NTRK3: variants seen among roughly 807,000 people sequenced by gnomAD.
NTRK3 encodes the protein NT-3 growth factor receptor.
In NTRK3, 24 loss-of-function variants were observed where a neutral mutation model predicts 91.7. That is an observed-to-expected ratio of 0.26 (90% CI 0.19 to 0.37). The LOEUF (loss-of-function observed/expected upper bound fraction) is 0.37. NTRK3 is among the 10% of genes least tolerant of loss of function. NTRK3 has a pLI of 1.00. For synonymous variants in NTRK3, 483 were observed against 404.0 expected (o/e 1.20, Z -2.34); for missense variants, 880 against 1,068.9 (o/e 0.82, Z 2.46).
chr15:88,117,049 T>C (rs2052173744), intron 13 of NTRK3, among the ~76,000 whole-genome samples: 3 of 152,178 alleles, frequency 2.0e-5, no homozygotes, highest in Admixed American at 6.5e-5. Flanking sequence ...TAGCTGCACA[T>C]AGAAATCACC....
At chr15:88,166,488 T>A (rs946449106) in intron 5 of NTRK3, among the ~76,000 whole-genome samples, 4 of 152,256 alleles carry the variant, frequency 2.6e-5, no homozygotes, top group Non-Finnish European at 5.9e-5. Flanking sequence ...TGGGCGCTTC[T>A]CTCTGGGGAG....
At chr15:88,132,826 C>T (rs115254597) in intron 10 of NTRK3, among the ~76,000 whole-genome samples, 3 of 152,284 alleles carry the variant, frequency 2.0e-5, no homozygotes, top group African/African-American at 7.2e-5. Flanking sequence ...TTAACCTAGA[C>T]TCACAAAACA....
chr15:88,238,208 A>G (rs1053949709), intron 3 of NTRK3, among the ~76,000 whole-genome samples: 1 of 152,164 alleles, frequency 6.6e-6, no homozygotes, highest in Non-Finnish European at 1.5e-5. Context: ...AAACAAACAT[A>G]TGCTTTTTAA....
At chr15:88,212,225 C>G (rs1475005407) in intron 3 of NTRK3, among the ~76,000 whole-genome samples, 1 of 152,072 alleles carries the variant, frequency 6.6e-6, no homozygotes, top group Admixed American at 6.5e-5. Context: ...AAAAAATTAG[C>G]TGGGCATGGT....
intron 3 of NTRK3, among the ~76,000 whole-genome samples, chr15:88,254,000 C>A (rs1178661775): frequency 2.0e-5 from 3 of 152,316 alleles, no homozygotes; most frequent in East Asian, 3.9e-4. Context: ...ACCATCCCTG[C>A]CTCCCACTGG....
At chr15:88,130,866 C>T (rs1426316590) in intron 10 of NTRK3, among the ~76,000 whole-genome samples, 1 of 152,096 alleles carries the variant, frequency 6.6e-6, no homozygotes, top group Non-Finnish European at 1.5e-5. Flanking sequence ...ATGTAATTCA[C>T]ATCTGTACAC....
chr15:88,130,113 G>T (rs1234039831), intron 10 of NTRK3, among the ~76,000 whole-genome samples: 1 of 152,180 alleles, frequency 6.6e-6, no homozygotes, highest in Non-Finnish European at 1.5e-5. Flanking sequence ...GAATTGTGAG[G>T]AAATAAATTT....
chr15:87,878,068 CA>C (rs1358300804), intron 18 of NTRK3, among the ~76,000 whole-genome samples: 1 of 152,138 alleles, frequency 6.6e-6, no homozygotes, highest in African/African-American at 2.4e-5. Context: ...TATGCATTTT[CA>C]AGGCTTCATT....
At chr15:88,153,210 A>C (rs186332043) in intron 5 of NTRK3, among the ~76,000 whole-genome samples, 1 of 152,238 alleles carries the variant, frequency 6.6e-6, no homozygotes, top group Non-Finnish European at 1.5e-5. Flanking sequence ...ATCTAACATC[A>C]TCAAGTATCT....
At chr15:88,078,052 G>C (rs978919125) in intron 13 of NTRK3, among the ~76,000 whole-genome samples, 1 of 152,186 alleles carries the variant, frequency 6.6e-6, no homozygotes, top group Non-Finnish European at 1.5e-5. Flanking sequence ...CCCTGCCCAG[G>C]GGCCATGCCT....
At chr15:88,008,651 T>C (rs1448356295) in intron 14 of NTRK3, among the ~76,000 whole-genome samples, 1 of 152,130 alleles carries the variant, frequency 6.6e-6, no homozygotes, top group Non-Finnish European at 1.5e-5. Flanking sequence ...CCCAGTCTCC[T>C]GACACTCAAG....
chr15:88,245,642 G>A (rs747329125), intron 3 of NTRK3, among the ~76,000 whole-genome samples: 1 of 152,176 alleles, frequency 6.6e-6, no homozygotes. Context: ...AAGTATCTAT[G>A]CTTGTGGGGA....
intron 13 of NTRK3, among the ~76,000 whole-genome samples, chr15:88,111,306 C>G (rs2051328352): frequency 6.6e-6 from 1 of 152,104 alleles, no homozygotes; most frequent in Non-Finnish European, 1.5e-5. Context: ...ATGTTGTTTC[C>G]CGAAGTACTA....
intron 13 of NTRK3, among the ~76,000 whole-genome samples, chr15:88,119,916 A>G (rs1279430673): frequency 6.6e-6 from 1 of 152,186 alleles, no homozygotes; most frequent in Non-Finnish European, 1.5e-5. Context: ...GTCACCTCGG[A>G]TATCTCCTAT....
intron 8 of NTRK3, 135 bp from the exon 9 acceptor site, chr15:88,136,175 C>A: frequency 3.4e-6 from 4 of 1,162,526 alleles, no homozygotes; most frequent in Non-Finnish European, 5.1e-6. Context: ...TGAAAGCACA[C>A]TGGCCAAATG....
At chr15:88,101,324 C>T (rs1277778163) in intron 13 of NTRK3, among the ~76,000 whole-genome samples, 1 of 152,200 alleles carries the variant, frequency 6.6e-6, no homozygotes, top group Admixed American at 6.5e-5. Context: ...GAGATGCCAT[C>T]TCACACCAGT....
intron 13 of NTRK3, among the ~76,000 whole-genome samples, chr15:88,077,039 A>G (rs2047611623): frequency 6.6e-6 from 1 of 152,152 alleles, no homozygotes; most frequent in Non-Finnish European, 1.5e-5. Context: ...GGTTGCAACG[A>G]GCCGAGATCA....
chr15:88,150,239 G>A (rs935230999), intron 5 of NTRK3, among the ~76,000 whole-genome samples: 7 of 152,194 alleles, frequency 4.6e-5, no homozygotes, highest in African/African-American at 1.7e-4. Context: ...TCAGAGGGAG[G>A]AGCAGGCAGG....
chr15:88,067,032 C>A (rs2046708891), intron 13 of NTRK3, among the ~76,000 whole-genome samples: 1 of 152,200 alleles, frequency 6.6e-6, no homozygotes. Context: ...ATCCCCCATC[C>A]CACTCCAGCC....
Sources: gnomAD v4.1 joint callset for allele counts (sites outside exome capture counted in the v4.1 genomes callset) on GRCh38, gnomAD v4.1.1 for gene constraint, MANE v1.5 for transcripts, NCBI Gene and HGNC (gene_info 2026-07-23, HGNC 2026-07-21) for gene names.